Variants in TRPM3 observed in about 807,000 individuals in gnomAD.
The protein encoded by TRPM3 is transient receptor potential cation channel subfamily M member 3.
A neutral mutation model predicts 181.2 loss-of-function variants in TRPM3; 77 were observed. The observed-to-expected ratio is 0.42, with a 90% CI of 0.35 to 0.51. TRPM3 has a LOEUF of 0.51. Ranked by LOEUF, TRPM3 falls within the 20% of genes least tolerant of loss-of-function variation. The pLI is 0.01. For missense variants in TRPM3, 1,759 were observed against 2,196.7 expected (o/e 0.80, Z 3.98); for synonymous variants, 745 against 796.4 (o/e 0.94, Z 1.09).
chr9:70,655,732 G>T (rs951120939), intron 9 of TRPM3, among the ~76,000 whole-genome samples: 6 of 152,008 alleles, frequency 3.9e-5, no homozygotes, highest in African/African-American at 1.5e-4. Context: ...CGTAAATTTT[G>T]CTATTTGATT....
At position 70,655,325 on chromosome 9, in the gene TRPM3, A is replaced by G. The variant is rs572666200; in HGVS notation, c.1346-14665T>C. On this transcript the variant is annotated intron_variant, in intron 9 of 25. Coordinates refer to ENST00000677713, the MANE Select transcript of TRPM3 (RefSeq NM_001366145.2). The stretch of plus-strand genomic sequence containing the variant: ...CGTCTCAAAAAAAAAAAAAAAAAAA[A>G]AAAAAGAAAAAGAAAATGAAAATAA... Among the ~76,000 whole-genome samples the G allele has an allele frequency of 4.4e-3, 665 of 149,510 alleles. 9 individuals carry two copies. The highest frequency in any genetic ancestry group is 0.016 in the African/African-American group (630 of 40,164).
chr9:71,133,292 C>CTTTTTTTTTTTTTTTT lies in TRPM3; in HGVS notation c.184-268797_184-268782dup, dbSNP rs761379173. 8.4e-4 allele frequency among the ~76,000 whole-genome samples: 61 copies of CTTTTTTTTTTTTTTTT among 72,330 alleles called. 11 individuals are homozygous for CTTTTTTTTTTTTTTTT. The highest frequency in any genetic ancestry group is 2.4e-3 in the East Asian group (5 of 2,066). 47.5% of individuals were successfully genotyped at this position (72,330 alleles called of 152,430 possible). Reference sequence around the variant, plus strand: ...CATTTGTAATTCTTCTAGCAAATTGCTTTTTTTTTTTTTTTTTTTGAGACA... The same window carrying CTTTTTTTTTTTTTTTT: ...CATTTGTAATTCTTCTAGCAAATTGCTTTTTTTTTTTTTTTTTTTTTTTTTTTTTTTTTTTGAGACA... On this transcript the variant is annotated intron_variant, in intron 1 of 24. Coordinates refer to the TRPM3 transcript ENST00000357533.
At chr9:70,998,773 C>A (rs12003208) in intron 1 of TRPM3, among the ~76,000 whole-genome samples, 5,658 of 152,224 alleles carry the variant, frequency 0.037, 385 homozygotes, top group African/African-American at 0.13. Context: ...CGGATTACAG[C>A]ACCATGAAAA....
intron 1 of TRPM3, among the ~76,000 whole-genome samples, chr9:71,194,252 T>A (rs1363324429): frequency 6.6e-6 from 1 of 151,926 alleles, no homozygotes; most frequent in Non-Finnish European, 1.5e-5. Flanking sequence ...GGTAAGTGTG[T>A]TCATACGTGG....
chr9:70,581,384 A>G (rs2055609215), intron 22 of TRPM3, among the ~76,000 whole-genome samples: 1 of 152,270 alleles, frequency 6.6e-6, no homozygotes, highest in South Asian at 2.1e-4. Context: ...CACTTGACAG[A>G]CGTGGTCTGA....
intron 1 of TRPM3, among the ~76,000 whole-genome samples, chr9:71,158,476 T>C (rs1363084114): frequency 6.6e-6 from 1 of 152,166 alleles, no homozygotes; most frequent in African/African-American, 2.4e-5. Flanking sequence ...AGTTACATAA[T>C]GTTCAAAGAG....
chr9:70,596,871 TC>T (rs1295461360), intron 21 of TRPM3, among the ~76,000 whole-genome samples: 2 of 152,136 alleles, frequency 1.3e-5, no homozygotes, highest in Non-Finnish European at 2.9e-5. Flanking sequence ...CAGGTGACCC[TC>T]CCACCTCAGG....
At position 70,533,491 on chromosome 9, in the gene TRPM3, A is replaced by G. The variant is rs1458585399; in HGVS notation, c.*2462T>C. On this transcript the variant is annotated 3_prime_UTR_variant, in exon 26 of 26. Transcript: ENST00000677713. ...AATGTAAAGTGCCTATTACAACTGCATTAACTACGAGCAAACATGGTTCCT... is the reference window on the plus strand; with the variant it reads ...AATGTAAAGTGCCTATTACAACTGCGTTAACTACGAGCAAACATGGTTCCT... 1 of 152,230 alleles carries G rather than the reference A, an allele frequency of 6.6e-6. No individual in the cohort carries two copies. The highest frequency in any genetic ancestry group is 2.4e-5 in the African/African-American group (1 of 41,460). The allele number at this position is 152,230 out of a possible 1,614,324, so 9.4% of individuals were successfully genotyped here.
intron 1 of TRPM3, among the ~76,000 whole-genome samples, chr9:71,045,742 A>G (rs2059358901): frequency 6.6e-6 from 1 of 152,204 alleles, no homozygotes; most frequent in Admixed American, 6.5e-5. Context: ...TTCTAAACAC[A>G]GGCTAAGAGA....
intron 1 of TRPM3, among the ~76,000 whole-genome samples, chr9:71,371,501 T>C (rs1416928866): frequency 6.6e-6 from 1 of 152,182 alleles, no homozygotes; most frequent in African/African-American, 2.4e-5. Flanking sequence ...GCAAGAGAAC[T>C]AGAATGAGAA....
intron 1 of TRPM3, among the ~76,000 whole-genome samples, chr9:71,107,681 C>T (rs1423401082): frequency 6.6e-6 from 1 of 152,114 alleles, no homozygotes; most frequent in African/African-American, 2.4e-5. Flanking sequence ...TTGCTATACA[C>T]TTAAAAACAA....
At chr9:71,180,034 C>T (rs978263517) in intron 1 of TRPM3, among the ~76,000 whole-genome samples, 3 of 145,948 alleles carry the variant, frequency 2.1e-5, no homozygotes, top group African/African-American at 5.0e-5. Context: ...AGGGGAGAAC[C>T]TTATCATACA....
intron 7 of TRPM3, among the ~76,000 whole-genome samples, chr9:70,780,275 T>C (rs2082197952): frequency 6.6e-6 from 1 of 152,192 alleles, no homozygotes; most frequent in African/African-American, 2.4e-5. Context: ...ACTTAAAACA[T>C]TTTTAATCAT....
At chr9:71,117,421 T>C (rs930964409) in intron 1 of TRPM3, among the ~76,000 whole-genome samples, 5 of 152,178 alleles carry the variant, frequency 3.3e-5, no homozygotes, top group African/African-American at 7.2e-5. Flanking sequence ...CAACCTAATA[T>C]GATTTAAACA....
intron 1 of TRPM3, among the ~76,000 whole-genome samples, chr9:71,101,066 A>G (rs1363333200): frequency 1.3e-5 from 2 of 152,114 alleles, no homozygotes; most frequent in East Asian, 3.9e-4. Context: ...GCCACACCAG[A>G]TGCCCACCTG....
chr9:71,253,996 T>G (rs1400810292), intron 1 of TRPM3, among the ~76,000 whole-genome samples: 3 of 152,218 alleles, frequency 2.0e-5, no homozygotes, highest in African/African-American at 7.2e-5. Context: ...CTTGGCTCAC[T>G]GCAACCTCCA....
At chr9:71,282,496 ATTTT>A (rs1438181913) in intron 1 of TRPM3, among the ~76,000 whole-genome samples, 8 of 152,226 alleles carry the variant, frequency 5.3e-5, no homozygotes, top group Non-Finnish European at 7.3e-5. Context: ...GGGTAGTGCT[ATTTT>A]TAAAAACAAG....
intron 8 of TRPM3, among the ~76,000 whole-genome samples, chr9:70,694,218 G>A (rs7847043): frequency 0.36 from 55,221 of 151,926 alleles, 10,284 homozygotes; most frequent in East Asian, 0.46. Context: ...TTTTAGTATG[G>A]CAGATGTCCT....
At position 71,389,029 on chromosome 9, in the gene TRPM3, C is replaced by A. The variant is rs547138000; in HGVS notation, c.183+57624G>T. On this transcript the variant is annotated intron_variant, in intron 1 of 24. Coordinates refer to the TRPM3 transcript ENST00000357533. ...AAAGAAGAGATGTCTTAACTCCAAA[C>A]GAAATTCAAACAACCCATCCGGAAA... Among the ~76,000 whole-genome samples, 5 of 151,990 alleles carry A rather than the reference C, an allele frequency of 3.3e-5. 1 individual carries two copies. In the South Asian group the frequency reaches 1.0e-3, roughly 32 times the overall value.
Sources: allele counts gnomAD v4.1 joint callset (sites outside exome capture counted in the v4.1 genomes callset), GRCh38; gene constraint gnomAD v4.1.1; transcripts MANE v1.5; gene names NCBI Gene and HGNC (gene_info 2026-07-23, HGNC 2026-07-21).